SCN2A: variants seen among roughly 807,000 people sequenced by gnomAD.
The protein encoded by SCN2A is sodium voltage-gated channel alpha subunit 2.
In SCN2A, 20 loss-of-function variants were observed where a neutral mutation model predicts 188.7. The ratio of observed to expected loss-of-function variants is 0.11; its 90% CI spans 0.07 to 0.15. The LOEUF (loss-of-function observed/expected upper bound fraction) is 0.15. Among genes scored for constraint, SCN2A ranks in the 10% least tolerant of loss-of-function variants. The pLI, the probability that SCN2A is intolerant of heterozygous loss-of-function variation, is 1.00. For missense variants in SCN2A, 1,278 were observed against 2,445.0 expected, an observed-to-expected ratio of 0.52 and a Z score of 10.07; for synonymous variants, 804 against 833.1, an observed-to-expected ratio of 0.97 and a Z score of 0.60.
chr2:165,354,527 T>C lies in SCN2A; in HGVS notation c.3255T>C (p.Tyr1085=), dbSNP rs1057521230. ...GCATAGGCAGCAGTGTAGAAAAATATGTCGTGGATGAAAGTGATTACATGT... is the reference window on the plus strand; with the variant it reads ...GCATAGGCAGCAGTGTAGAAAAATACGTCGTGGATGAAAGTGATTACATGT... ...TSGIGSSVEK[Y]VVDESDYMSF... The change falls in exon 17 of 27, where the codon TAT becomes TAC. Residue 1085 remains tyrosine (Y), a synonymous_variant. Coordinates refer to ENST00000375437, the MANE Select transcript of SCN2A (RefSeq NM_001040142.2). 1.2e-6 allele frequency: 2 copies of C among 1,613,964 alleles called. No individual in the cohort carries two copies. The highest frequency in any genetic ancestry group is 1.7e-6 in the Non-Finnish European group (2 of 1,180,014).
intron 1 of SCN2A, among the ~76,000 whole-genome samples, chr2:165,293,601 A>G (rs1232230347): frequency 6.6e-6 from 1 of 152,180 alleles, no homozygotes; most frequent in Non-Finnish European, 1.5e-5. Flanking sequence ...ACTGTCATAT[A>G]TGTGATCTGT....
At position 165,389,470 on chromosome 2, in the gene SCN2A, C is replaced by T; in HGVS notation, c.5664C>T (p.Pro1888=). The T allele has an allele frequency of 9.9e-6, 16 of 1,613,918 alleles. No individual in the cohort carries two copies. Among genetic ancestry groups the T allele is most frequent in the Non-Finnish European group, 1.4e-5 (16 of 1,179,964 alleles). The change falls in exon 27 of 27, where the codon CCC becomes CCT. Residue 1888 remains proline, a synonymous_variant. Transcript: ENST00000375437. This position sits in a 1 kb window ranked among gnomAD's most constrained non-coding sequence, Gnocchi z 4.2. ...QMEERFMASN[P]SKVSYEPITT... is the part of the protein sequence containing the mutation. ...AAGAGCGATTCATGGCATCAAACCC[C>T]TCCAAAGTCTCTTATGAGCCCATTA...
intron 19 of SCN2A, 43 bp from the exon 20 acceptor site, chr2:165,370,083 C>T: frequency 6.5e-7 from 1 of 1,539,214 alleles, no homozygotes; most frequent in Non-Finnish European, 9.0e-7. Flanking sequence ...CAATTAGAGA[C>T]TGTTTCTGAT....
intron 25 of SCN2A, among the ~76,000 whole-genome samples, chr2:165,386,242 G>A (rs1701863047): frequency 6.6e-6 from 1 of 151,998 alleles, no homozygotes; most frequent in African/African-American, 2.4e-5. Context: ...GAGGTGGGCA[G>A]ATCATTAGGT....
At chr2:165,377,500 T>C in intron 22 of SCN2A, 97 bp from the exon 23 acceptor site, 2 of 1,081,410 alleles carry the variant, frequency 1.8e-6, no homozygotes, top group East Asian at 2.6e-5. Context: ...TATGCCTGTA[T>C]TGAATACATG....
chr2:165,317,880 A>T (rs945770102), intron 11 of SCN2A, among the ~76,000 whole-genome samples: 7 of 152,058 alleles, frequency 4.6e-5, no homozygotes, highest in Non-Finnish European at 1.0e-4. Flanking sequence ...GTCTAAGAGG[A>T]TGGAGAGGGA....
intron 1 of SCN2A, among the ~76,000 whole-genome samples, chr2:165,241,554 A>G (rs188163460): frequency 6.6e-6 from 1 of 152,238 alleles, no homozygotes; most frequent in South Asian, 2.1e-4. Context: ...AAAATGTGTC[A>G]TGTCTACATA....
At chr2:165,350,704 C>G (rs1188285363) in intron 16 of SCN2A, among the ~76,000 whole-genome samples, 4 of 8,290 alleles carry the variant, frequency 4.8e-4, no homozygotes, top group Non-Finnish European at 8.8e-4. Flanking sequence ...GATCTCCTGA[C>G]CTCGTGATCC....
chr2:165,269,084 A>G (rs908493119), intron 1 of SCN2A: 18 of 152,010 alleles, frequency 1.2e-4, no homozygotes, highest in Non-Finnish European at 2.1e-4. Context: ...CTATTGTACT[A>G]TGTAATGACT....
chr2:165,325,495 T>A (rs1039429484), intron 12 of SCN2A, among the ~76,000 whole-genome samples: 1 of 152,220 alleles, frequency 6.6e-6, no homozygotes, highest in Non-Finnish European at 1.5e-5. Context: ...CATCATTTCC[T>A]GTACTTTACA....
At chr2:165,356,341 A>G (rs1234358151) in intron 17 of SCN2A, among the ~76,000 whole-genome samples, 2 of 152,208 alleles carry the variant, frequency 1.3e-5, no homozygotes, top group Non-Finnish European at 2.9e-5. Flanking sequence ...ATAATATCTT[A>G]AAATCTTATT....
chr2:165,331,490 C>G lies in SCN2A; in HGVS notation c.2310C>G (p.Val770=). 2 of 1,613,828 alleles carry G rather than the reference C, an allele frequency of 1.2e-6. No homozygotes were observed. Among genetic ancestry groups the G allele is most frequent in the South Asian group, 2.2e-5 (2 of 91,072 alleles). The change falls in exon 14 of 27, where the codon GTC becomes GTG. Residue 770 remains valine (V), a synonymous_variant. Transcript: ENST00000375437. The part of the protein sequence containing the change: ...FVDLAITICI[V]LNTLFMAMEH... Reference sequence around the variant, plus strand: ...ACCTGGCCATCACCATCTGCATTGTCTTAAATACACTCTTCATGGCTATGG... The same window carrying G: ...ACCTGGCCATCACCATCTGCATTGTGTTAAATACACTCTTCATGGCTATGG...
chr2:165,377,402 T>C (rs1366023314), intron 22 of SCN2A, among the ~76,000 whole-genome samples, 195 bp from the exon 23 acceptor site: 2 of 152,022 alleles, frequency 1.3e-5, no homozygotes, highest in African/African-American at 2.4e-5. Flanking sequence ...CCACATAAGA[T>C]GTTATAGAGG....
intron 2 of SCN2A, 127 bp downstream of exon 2, chr2:165,296,217 G>C: frequency 1.1e-6 from 1 of 900,088 alleles, no homozygotes; most frequent in Non-Finnish European, 1.8e-6. Flanking sequence ...TGCTGGATGG[G>C]CCTGACCGTG....
At chr2:165,382,697 T>G (rs1486558749) in intron 25 of SCN2A, among the ~76,000 whole-genome samples, 1 of 152,144 alleles carries the variant, frequency 6.6e-6, no homozygotes, top group Non-Finnish European at 1.5e-5. Context: ...TTTGTGAAAC[T>G]GTTGGTTCCA....
chr2:165,280,775 T>A (rs1695550465), intron 1 of SCN2A, among the ~76,000 whole-genome samples: 1 of 152,196 alleles, frequency 6.6e-6, no homozygotes, highest in Non-Finnish European at 1.5e-5. Flanking sequence ...TACCCACTCC[T>A]TTCCTGATTG....
At chr2:165,371,756 A>G (rs931144685) in intron 20 of SCN2A, 1 of 152,218 alleles carries the variant, frequency 6.6e-6, no homozygotes, top group Non-Finnish European at 1.5e-5. Flanking sequence ...AGAGGAAGCT[A>G]TTGAAGAATT....
chr2:165,323,042 A>T, intron 11 of SCN2A, 114 bp from the exon 12 acceptor site: 1 of 1,030,802 alleles, frequency 9.7e-7, no homozygotes, highest in South Asian at 1.6e-5. Context: ...ATGTCCAATG[A>T]CTTATCCTTG....
At chr2:165,291,988 G>T (rs918223720) in intron 1 of SCN2A, among the ~76,000 whole-genome samples, 7 of 152,082 alleles carry the variant, frequency 4.6e-5, no homozygotes, top group African/African-American at 1.7e-4. Context: ...AGGTCTGGAA[G>T]GTTGGGAGGC....
Sources: gnomAD v4.1 joint callset for allele counts (sites outside exome capture counted in the v4.1 genomes callset) on GRCh38, gnomAD v4.1.1 for gene constraint, Gnocchi (gnomAD v3.1) non-coding constraint, MANE v1.5 for transcripts, NCBI Gene and HGNC (gene_info 2026-07-23, HGNC 2026-07-21) for gene names.